Variants in SOCS7 observed in about 807,000 individuals in gnomAD.
The protein encoded by SOCS7 is suppressor of cytokine signaling 7.
Under a neutral mutation model 58.9 loss-of-function variants are expected in SOCS7, and 18 were observed. That is an observed-to-expected ratio of 0.31 (90% CI 0.21 to 0.45). SOCS7 has a LOEUF of 0.45. SOCS7 is among the 20% of genes least tolerant of loss of function. The pLI, the probability that SOCS7 is intolerant of heterozygous loss-of-function variation, is 1.00. For missense variants in SOCS7, 667 were observed against 837.3 expected, an observed-to-expected ratio of 0.80 and a Z score of 2.51; for synonymous variants, 388 against 364.3, an observed-to-expected ratio of 1.06 and a Z score of -0.74.
chr17:38,358,910 G>C (rs587670802), intron 1 of SOCS7, among the ~76,000 whole-genome samples: 5 of 152,250 alleles, frequency 3.3e-5, no homozygotes, highest in Admixed American at 6.5e-5. Context: ...TGCCGGGGGT[G>C]GGGGAGAAGA....
intron 1 of SOCS7, among the ~76,000 whole-genome samples, chr17:38,360,035 C>G (rs2037695250): frequency 6.6e-6 from 1 of 152,028 alleles, no homozygotes; most frequent in Non-Finnish European, 1.5e-5. Flanking sequence ...ACCTCAGCCT[C>G]TCAAAGTGTT....
At position 38,353,039 on chromosome 17, in the gene SOCS7, C is replaced by A; in HGVS notation, c.980+7C>A. 1 of 1,574,352 alleles carries A rather than the reference C, an allele frequency of 6.4e-7. No homozygotes were observed. The highest frequency in any genetic ancestry group is 8.6e-7 in the Non-Finnish European group (1 of 1,163,226). On this transcript the variant is annotated splice_region_variant and intron_variant, in intron 1 of 9. Transcript: ENST00000612932. ...GGGAGCTGGACGCGGGGAGGTGAGACCGGCCGGGGGCTGGCCGACAAACTT... is the reference window on the plus strand; with the variant it reads ...GGGAGCTGGACGCGGGGAGGTGAGAACGGCCGGGGGCTGGCCGACAAACTT...
intron 7 of SOCS7, among the ~76,000 whole-genome samples, chr17:38,387,623 T>TACAATATATTGTATATTATATAC (rs2038095512): frequency 1.1e-5 from 1 of 88,342 alleles, no homozygotes; most frequent in African/African-American, 8.5e-5. Flanking sequence ...ATATTATATA[T>TACAATATATTGTATATTATATAC]ACAATATATT....
intron 7 of SOCS7, among the ~76,000 whole-genome samples, chr17:38,388,451 A>G (rs1003443118): frequency 2.0e-5 from 3 of 152,064 alleles, no homozygotes; most frequent in Non-Finnish European, 4.4e-5. Flanking sequence ...CCCAGGAGGC[A>G]GAGGTTGCAG....
At chr17:38,359,817 C>T (rs1033629868) in intron 1 of SOCS7, among the ~76,000 whole-genome samples, 2 of 151,880 alleles carry the variant, frequency 1.3e-5, no homozygotes, top group African/African-American at 2.4e-5. Context: ...GTCTCTGTCA[C>T]CCAGGCTGGA....
chr17:38,386,796 T>C (rs2038073129), intron 7 of SOCS7, among the ~76,000 whole-genome samples: 1 of 151,766 alleles, frequency 6.6e-6, no homozygotes. Flanking sequence ...TTGAAAAATA[T>C]AATTAATGGC....
intron 9 of SOCS7, among the ~76,000 whole-genome samples, chr17:38,398,156 G>A (rs892296195): frequency 6.6e-6 from 1 of 151,942 alleles, no homozygotes; most frequent in Non-Finnish European, 1.5e-5. Context: ...CTGTGACAAA[G>A]AGTAAGCGTA....
At chr17:38,381,413 G>T (rs1195906718) in intron 7 of SOCS7, among the ~76,000 whole-genome samples, 1 of 152,164 alleles carries the variant, frequency 6.6e-6, no homozygotes, top group Non-Finnish European at 1.5e-5. Flanking sequence ...CTGCGTCAGG[G>T]ATTTTAACTT....
chr17:38,388,489 A>G (rs1269865460), intron 7 of SOCS7, among the ~76,000 whole-genome samples: 1 of 152,186 alleles, frequency 6.6e-6, no homozygotes, highest in Non-Finnish European at 1.5e-5. Flanking sequence ...ACTGTACTTC[A>G]TCCTGGGTGA....
chr17:38,371,854 T>G (rs2037872781), intron 6 of SOCS7, among the ~76,000 whole-genome samples: 1 of 150,634 alleles, frequency 6.6e-6, no homozygotes, highest in African/African-American at 2.4e-5. Context: ...GTCATAGGAG[T>G]TCAGATTCCC....
In SOCS7 at chr17:38,365,200, A is replaced by G. The variant is rs916787239; in HGVS notation, c.1151-108A>G. 9.0e-6 allele frequency: 7 copies of G among 776,816 alleles called. No individual in the cohort carries two copies. In the Admixed American group the frequency reaches 1.8e-4, roughly 19 times the overall value. 48.1% of individuals were successfully genotyped at this position (776,816 alleles called of 1,614,324 possible). On this transcript the variant is annotated intron_variant, in intron 3 of 9. Coordinates refer to ENST00000612932, the MANE Select transcript of SOCS7 (RefSeq NM_014598.4). ...AAAAAGACTGGGTGAAGGTTGGGCC[A>G]TCCTGCCCCAGAGGGCAGCCTGATA...
intron 7 of SOCS7, among the ~76,000 whole-genome samples, chr17:38,379,933 G>T (rs766901287): frequency 1.4e-4 from 22 of 152,162 alleles, no homozygotes; most frequent in Non-Finnish European, 2.5e-4. Flanking sequence ...TAGTCTAAAA[G>T]AAGGGACAGG....
chr17:38,352,543 C>T lies in SOCS7; in HGVS notation c.491C>T (p.Ala164Val). 24 of 1,548,598 alleles carry T rather than the reference C, an allele frequency of 1.5e-5. No homozygotes were observed. Among genetic ancestry groups the T allele is most frequent in the Non-Finnish European group, 1.9e-5 (22 of 1,146,070 alleles). ...PPPQPQPPAAAPQAGEDPTET... is the reference protein window; with the variant it reads ...PPPQPQPPAAVPQAGEDPTET... ...CCGCAGCCCCAGCCGCCTGCTGCCGCCCCGCAGGCCGGGGAGGACCCCACG... is the reference window on the plus strand; with the variant it reads ...CCGCAGCCCCAGCCGCCTGCTGCCGTCCCGCAGGCCGGGGAGGACCCCACG... The change falls in exon 1 of 10, where the codon GCC becomes GTC. Residue 164 changes from alanine (A) to valine (V), a missense_variant. Ala to Val is a moderately conservative substitution (Grantham distance 64). This residue lies in a region of SOCS7 where 154 missense variants were observed against 156.3 expected (regional missense o/e 0.98). Transcript: ENST00000612932. The surrounding 1 kb of genome is among the most constrained non-coding windows in gnomAD (Gnocchi z 5.5).
At chr17:38,391,552 G>A (rs1469680965) in intron 7 of SOCS7, among the ~76,000 whole-genome samples, 2 of 152,014 alleles carry the variant, frequency 1.3e-5, no homozygotes, top group African/African-American at 2.4e-5. Flanking sequence ...CACAATGCCT[G>A]GCTAATTTTT....
chr17:38,393,758 G>A lies in SOCS7; in HGVS notation c.1682-1551G>A, dbSNP rs556728703. The stretch of plus-strand genomic sequence containing the variant: ...TACTGAAAATACAAAAAATTAGCCC[G>A]GCGTGGTGGTGGGTGCCTGTAATCC... On this transcript the variant is annotated intron_variant, in intron 7 of 9. Transcript: ENST00000612932. 7.4e-4 allele frequency among the ~76,000 whole-genome samples: 113 copies of A among 151,944 alleles called. 2 individuals carry two copies. The South Asian group carries it at 0.018, about 24-fold the overall frequency.
intron 7 of SOCS7, among the ~76,000 whole-genome samples, chr17:38,388,617 C>G (rs2038111586): frequency 6.6e-6 from 1 of 152,176 alleles, no homozygotes; most frequent in African/African-American, 2.4e-5. Flanking sequence ...TTTCATCACA[C>G]CAAAATGAAA....
chr17:38,382,437 CAAAAAAAAAAA>C (rs1190332565), intron 7 of SOCS7, among the ~76,000 whole-genome samples: 1 of 68,592 alleles, frequency 1.5e-5, no homozygotes, highest in Non-Finnish European at 2.9e-5. Context: ...GACCCTATCT[CAAAAAAAAAAA>C]AAAAAAAAAA....
At chr17:38,374,282 A>T (rs1469354057) in intron 6 of SOCS7, among the ~76,000 whole-genome samples, 1 of 151,990 alleles carries the variant, frequency 6.6e-6, no homozygotes, top group African/African-American at 2.4e-5. Flanking sequence ...TCATGCCTGT[A>T]ATCCCAGCAC....
intron 6 of SOCS7, among the ~76,000 whole-genome samples, chr17:38,368,498 ATTTC>A (rs2037820855): frequency 6.8e-6 from 1 of 147,118 alleles, no homozygotes; most frequent in South Asian, 2.2e-4. Context: ...TCTGTTCTGA[ATTTC>A]TTTCTTTTTT....
Sources: gnomAD v4.1 joint callset for allele counts (sites outside exome capture counted in the v4.1 genomes callset) on GRCh38, gnomAD v4.1.1 for gene constraint, gnomAD v4.1.1 regional missense constraint, Gnocchi (gnomAD v3.1) non-coding constraint, MANE v1.5 for transcripts, NCBI Gene and HGNC (gene_info 2026-07-23, HGNC 2026-07-21) for gene names.